The following NLGN4X variants were observed in gnomAD, a reference collection of about 807,000 sequenced individuals.
NLGN4X encodes the protein neuroligin 4 X-linked, also known as neuroligin-4, X-linked.
In NLGN4X, 3 loss-of-function variants were observed where a neutral mutation model predicts 40.3. That is an observed-to-expected ratio of 0.07 (90% CI 0.03 to 0.19). The LOEUF is 0.19. Ranked by LOEUF, NLGN4X falls within the 10% of genes least tolerant of loss-of-function variation. The probability of loss-of-function intolerance (pLI) is 1.00; values close to 1 mark genes in which losing one functional copy is unlikely to be tolerated. For synonymous variants in NLGN4X, 270 were observed against 306.8 expected (o/e 0.88, Z 1.25); for missense variants, 382 against 708.3 (o/e 0.54, Z 5.23).
Position 5,892,682 on chromosome X carries a change from G to T in NLGN4X, c.*135C>A. On this transcript the variant is annotated 3_prime_UTR_variant, in exon 6 of 6. Transcript: ENST00000381095. ...GGGATGACTGCCTTTTTGCATTTTT[G>T]TCTTAAGTCAGTGGGACAAAAACAT... 7.4e-6 allele frequency: 7 copies of T among 939,982 alleles called. No individual in the cohort carries two copies. The highest frequency in any genetic ancestry group is 2.9e-4 in the Middle Eastern group (1 of 3,478). 77.5% of individuals were successfully genotyped at this position (939,982 alleles called of 1,213,427 possible). A position where few individuals can be genotyped will look rare whatever the true frequency, so the allele number is the denominator to read the frequency against.
At chrX:6,208,945 G>A (rs746995316) in intron 1 of NLGN4X, among the ~76,000 whole-genome samples, 5 of 112,129 alleles carry the variant, frequency 4.5e-5, no homozygotes, top group South Asian at 7.4e-4. Context: ...GTTTAATACC[G>A]CACTATTCAC....
At position 6,180,209 on chromosome X, in the gene NLGN4X, G is replaced by A. The variant is rs184625571; in HGVS notation, c.-305-28438C>T. 3.0e-4 allele frequency among the ~76,000 whole-genome samples: 34 copies of A among 111,766 alleles called. No homozygotes were observed. In the East Asian group the frequency reaches 8.8e-3, roughly 29 times the overall value. On this transcript the variant is annotated intron_variant, in intron 1 of 5. Transcript: ENST00000381095. ...GAAACTATACCAAAATACAAATTAA[G>A]ATGAAAATGTGTCCCTATCCAAATC...
chrX:6,038,687 T>C (rs1244386128), intron 2 of NLGN4X, among the ~76,000 whole-genome samples: 2 of 112,251 alleles, frequency 1.8e-5, no homozygotes, highest in African/African-American at 3.2e-5. Context: ...TGGAAATATG[T>C]ATAAGATAGG....
At chrX:6,183,568 G>A (rs906755503) in intron 1 of NLGN4X, among the ~76,000 whole-genome samples, 16 of 110,327 alleles carry the variant, frequency 1.5e-4, no homozygotes, top group Non-Finnish European at 2.8e-4. Flanking sequence ...AGACAAAAAA[G>A]AAATACTGCA....
intron 1 of NLGN4X, among the ~76,000 whole-genome samples, chrX:6,164,946 C>G (rs184617766): frequency 9.0e-6 from 1 of 111,326 alleles, no homozygotes; most frequent in South Asian, 3.8e-4. Flanking sequence ...AGGTGTTCGG[C>G]TCTAGATTAC....
intron 2 of NLGN4X, among the ~76,000 whole-genome samples, chrX:6,051,683 A>T (rs2037496962): frequency 9.0e-6 from 1 of 110,773 alleles, no homozygotes; most frequent in Non-Finnish European, 1.9e-5. Flanking sequence ...GAGAGAATAT[A>T]TTTCTGTTGT....
chrX:5,892,725 T>A lies in NLGN4X; in HGVS notation c.*92A>T, dbSNP rs1254634776. 4.4e-6 allele frequency: 5 copies of A among 1,142,686 alleles called. No homozygotes were observed. 94.2% of individuals were successfully genotyped at this position (1,142,686 alleles called of 1,213,427 possible). A position where few individuals can be genotyped will look rare whatever the true frequency, so the allele number is the denominator to read the frequency against. On this transcript the variant is annotated 3_prime_UTR_variant, in exon 6 of 6. Transcript: ENST00000381095. ...AAAAACATTCCTGGTCTGGAGACTT[T>A]CTTTCTCTCTCTCTTTCCTTCTCTC... is the stretch of plus-strand genomic sequence containing the variant.
At chrX:5,951,386 T>C (rs191348108) in intron 3 of NLGN4X, among the ~76,000 whole-genome samples, 1 of 111,848 alleles carries the variant, frequency 8.9e-6, no homozygotes, top group Non-Finnish European at 1.9e-5. Flanking sequence ...CTGTCTGTCA[T>C]AACTGTGTGT....
intron 2 of NLGN4X, among the ~76,000 whole-genome samples, chrX:6,107,443 G>A (rs2039055194): frequency 9.0e-6 from 1 of 111,534 alleles, no homozygotes; most frequent in Non-Finnish European, 1.9e-5. Flanking sequence ...ATTTTCACCG[G>A]GTAAAGGTGG....
chrX:5,928,203 T>C (rs1459223792), intron 3 of NLGN4X, among the ~76,000 whole-genome samples: 8 of 112,599 alleles, frequency 7.1e-5, no homozygotes, highest in African/African-American at 2.6e-4. Context: ...TTGTGTTATA[T>C]AAACAAGATT....
At position 5,893,282 on chromosome X, in the gene NLGN4X, A is replaced by G; in HGVS notation, c.1986T>C (p.Thr662=). 8.3e-7 allele frequency: 1 copy of G among 1,210,701 alleles called. No individual in the cohort carries two copies. The highest frequency in any genetic ancestry group is 1.1e-6 in the Non-Finnish European group (1 of 895,280). Reference sequence around the variant, plus strand: ...AATCTCGTTTGGTTTCAATGAGGACAGTTGTGTCCTCAGGCCCTGTTTTGT... The same window carrying G: ...AATCTCGTTTGGTTTCAATGAGGACGGTTGTGTCCTCAGGCCCTGTTTTGT... ...DPHKTGPEDT[T]VLIETKRDYS... is the part of the protein sequence containing the mutation. Residue 662 remains threonine (T), a synonymous_variant, in exon 6 of 6, where the codon ACT becomes ACC. Coordinates refer to ENST00000381095, the MANE Select transcript of NLGN4X (RefSeq NM_181332.3).
intron 3 of NLGN4X, among the ~76,000 whole-genome samples, chrX:5,935,096 T>G (rs2033690410): frequency 1.8e-5 from 2 of 112,213 alleles, no homozygotes; most frequent in Admixed American, 1.9e-4. Flanking sequence ...TATCTTGTTT[T>G]GTACAGAGAT....
intron 2 of NLGN4X, among the ~76,000 whole-genome samples, chrX:6,069,710 T>C (rs954350315): frequency 6.2e-5 from 7 of 112,005 alleles, no homozygotes; most frequent in Non-Finnish European, 1.3e-4. Flanking sequence ...TTTGTATTCA[T>C]GCTGAAATAC....
intron 2 of NLGN4X, among the ~76,000 whole-genome samples, chrX:6,058,029 T>G (rs922914793): frequency 9.0e-6 from 1 of 111,304 alleles, no homozygotes; most frequent in African/African-American, 3.3e-5. Context: ...TAAAAATACG[T>G]CATAAACACA....
chrX:6,184,749 G>C (rs1047106146), intron 1 of NLGN4X, among the ~76,000 whole-genome samples: 4 of 112,435 alleles, frequency 3.6e-5, no homozygotes, highest in Non-Finnish European at 1.9e-5. Context: ...CAGAGCCCAA[G>C]ATAACTTCAT....
intron 1 of NLGN4X, among the ~76,000 whole-genome samples, chrX:6,188,079 G>A (rs1471891983): frequency 8.9e-6 from 1 of 111,936 alleles, no homozygotes; most frequent in East Asian, 2.8e-4. Flanking sequence ...AGGCACTCTT[G>A]TGGCTGACAG....
At chrX:6,031,977 T>G (rs749810340) in intron 2 of NLGN4X, among the ~76,000 whole-genome samples, 1 of 110,034 alleles carries the variant, frequency 9.1e-6, no homozygotes, top group Non-Finnish European at 1.9e-5. Context: ...AGAAAAACGT[T>G]TTCAAAAAAG....
intron 2 of NLGN4X, among the ~76,000 whole-genome samples, chrX:6,106,213 C>T (rs758209100): frequency 9.0e-6 from 1 of 111,715 alleles, no homozygotes; most frequent in Non-Finnish European, 1.9e-5. Flanking sequence ...TTTGATATCA[C>T]TGTAAAGTTT....
chrX:6,023,174 C>A (rs1206549247), intron 3 of NLGN4X, among the ~76,000 whole-genome samples: 2 of 111,405 alleles, frequency 1.8e-5, no homozygotes, highest in African/African-American at 6.5e-5. Context: ...GGGTAGGACA[C>A]CAAATTTCCT....
Sources: gnomAD v4.1 joint callset for allele counts (sites outside exome capture counted in the v4.1 genomes callset) on GRCh38, gnomAD v4.1.1 for gene constraint, MANE v1.5 for transcripts, NCBI Gene and HGNC (gene_info 2026-07-23, HGNC 2026-07-21) for gene names.